CCDC88C: variants seen among roughly 807,000 people sequenced by gnomAD.
CCDC88C encodes protein Daple.
CCDC88C carries 131 observed loss-of-function variants against 198.8 expected under a neutral mutation model. The ratio of observed to expected loss-of-function variants is 0.66; its 90% CI spans 0.57 to 0.76. The LOEUF (loss-of-function observed/expected upper bound fraction) is 0.76. CCDC88C is among the 30% of genes least tolerant of loss of function. The pLI, the probability that CCDC88C is intolerant of heterozygous loss-of-function variation, is 0.00. For missense variants in CCDC88C, 2,553 were observed against 2,631.6 expected (o/e 0.97, Z 0.65); for synonymous variants, 1,166 against 1,114.7 (o/e 1.05, Z -0.92).
rs1567065626 is a variant in CCDC88C, at chr14:91,308,484, T to C, written c.2873A>G (p.Lys958Arg). 4 of 1,613,894 alleles carry C rather than the reference T, an allele frequency of 2.5e-6. No homozygotes were observed. Among genetic ancestry groups the C allele is most frequent in the East Asian group, 2.2e-5 (1 of 44,888 alleles). Residue 958 changes from lysine (K) to arginine (R), a missense_variant, in exon 17 of 30, where the codon AAG becomes AGG. By Grantham distance (26) the Lys-to-Arg change is conservative. Coordinates refer to ENST00000389857, the MANE Select transcript of CCDC88C (RefSeq NM_001080414.4). ...TGATTCATTTCTGCCCTCCAAAATCTTGTATTTTCTGGAAAACACAAAGAT... is the reference window on the plus strand; with the variant it reads ...TGATTCATTTCTGCCCTCCAAAATCCTGTATTTTCTGGAAAACACAAAGAT... ...EDDSGSDTKY[K>R]ILEGRNESAL...
At chr14:91,355,394 T>C (rs1412480326) in intron 4 of CCDC88C, among the ~76,000 whole-genome samples, 4 of 152,036 alleles carry the variant, frequency 2.6e-5, no homozygotes, top group Non-Finnish European at 4.4e-5. Flanking sequence ...AGCCGTCATA[T>C]AAAAGTGAGG....
intron 2 of CCDC88C, among the ~76,000 whole-genome samples, chr14:91,409,628 T>C (rs895054550): frequency 6.6e-6 from 1 of 151,536 alleles, no homozygotes; most frequent in Non-Finnish European, 1.5e-5. Context: ...GCTGGGATTA[T>C]AGGTGCATGC....
intron 22 of CCDC88C, among the ~76,000 whole-genome samples, chr14:91,294,735 ACCT>A (rs1284261383): frequency 1.3e-5 from 2 of 152,074 alleles, no homozygotes; most frequent in Non-Finnish European, 2.9e-5. Flanking sequence ...GCTCACTGCA[ACCT>A]CCGCCTCCTG....
At position 91,325,375 on chromosome 14, in the gene CCDC88C, A is replaced by G. The variant is rs537218198; in HGVS notation, c.1198-452T>C. Among the ~76,000 whole-genome samples, 1 of 151,062 alleles carries G rather than the reference A, an allele frequency of 6.6e-6. No individual in the cohort carries two copies. The highest frequency in any genetic ancestry group is 6.6e-5 in the Admixed American group (1 of 15,248). ...ACACTCATTCCTACAGAAAAGCAAT[A>G]CAGAAGTCAAGTGCTCTGTTTGTGG... is the stretch of plus-strand genomic sequence containing the variant. On this transcript the variant is annotated intron_variant, in intron 11 of 29. Transcript: ENST00000389857. This position sits in a 1 kb window ranked among gnomAD's most constrained non-coding sequence, Gnocchi z 4.1.
chr14:91,310,469 G>T (rs1335313108), intron 15 of CCDC88C, among the ~76,000 whole-genome samples: 1 of 152,162 alleles, frequency 6.6e-6, no homozygotes. Flanking sequence ...CTGAAGTGCA[G>T]TGGTGTGATC....
chr14:91,387,607 G>A (rs992880447), intron 3 of CCDC88C, among the ~76,000 whole-genome samples: 15 of 152,194 alleles, frequency 9.9e-5, no homozygotes, highest in African/African-American at 3.6e-4. Context: ...GGCACTAGGA[G>A]GCAGACTAGA....
Position 91,306,988 on chromosome 14 carries a change from G to GTC in CCDC88C, c.3195+48_3195+49dup, listed in dbSNP as rs200376745. 11,622 of 1,482,052 alleles carry GTC rather than the reference G, an allele frequency of 7.8e-3. 54 individuals carry two copies. The highest frequency in any genetic ancestry group is 0.011 in the Middle Eastern group (53 of 4,680). 91.8% of individuals were successfully genotyped at this position (1,482,052 alleles called of 1,614,324 possible). On this transcript the variant is annotated intron_variant, in intron 18 of 29. Transcript: ENST00000389857. ...CATCAATGGGACTACTGATAAGGCA[G>GTC]TCTCTCTCTCTCTGTCCCCGATGGA...
At chr14:91,293,560 CTGCCA>C in intron 23 of CCDC88C, among the ~76,000 whole-genome samples, 2 of 146,718 alleles carry the variant, frequency 1.4e-5, no homozygotes, top group South Asian at 2.2e-4. Context: ...GTCCCCTCGC[CTGCCA>C]CGGCCCACCT....
intron 3 of CCDC88C, chr14:91,408,189 T>C (rs945159696): frequency 1.2e-5 from 2 of 165,728 alleles, no homozygotes; most frequent in Admixed American, 5.9e-5. Context: ...CCAGTGCTCC[T>C]GCTTGCAGCT....
chr14:91,376,447 T>C (rs546160371), intron 3 of CCDC88C, among the ~76,000 whole-genome samples: 45 of 152,188 alleles, frequency 3.0e-4, no homozygotes, highest in African/African-American at 3.9e-4. Context: ...TGGAAACAGA[T>C]AGGACCCCTG....
In CCDC88C at chr14:91,273,754, G is replaced by A. The variant is rs2140904930; in HGVS notation, c.5059-101C>T. On this transcript the variant is annotated intron_variant, in intron 29 of 29. Coordinates refer to ENST00000389857, the MANE Select transcript of CCDC88C (RefSeq NM_001080414.4). This position sits in a 1 kb window ranked among gnomAD's most constrained non-coding sequence, Gnocchi z 5.6. ...CGCCCCCGAGCAGCCCACGTGGCTG[G>A]GACCGCAGTTCCTGCCTGCCTTCTC... The A allele has an allele frequency of 1.9e-6, 2 of 1,032,808 alleles. No individual in the cohort carries two copies. Among genetic ancestry groups the A allele is most frequent in the East Asian group, 2.9e-5 (1 of 34,068 alleles). 64.0% of individuals were successfully genotyped at this position (1,032,808 alleles called of 1,614,324 possible).
chr14:91,275,768 A>C (rs959273433), intron 29 of CCDC88C, among the ~76,000 whole-genome samples: 1 of 150,410 alleles, frequency 6.6e-6, no homozygotes, highest in East Asian at 2.0e-4. Flanking sequence ...CAGCCTCCCA[A>C]AGTGCTGGAA....
chr14:91,392,153 C>T (rs1036585012), intron 3 of CCDC88C, among the ~76,000 whole-genome samples: 6 of 152,126 alleles, frequency 3.9e-5, no homozygotes, highest in South Asian at 2.1e-4. Flanking sequence ...CCTGTTCCCA[C>T]GAACACGGCC....
rs1884795934 is a variant in CCDC88C at position 91,381,601 on chromosome 14, G to C, written c.271-21890C>G. ...TAATCCTAGCACTTTGGGAGGCCAAGTTGGGTGGATCAATTGAAGTCAGGA... is the reference window on the plus strand; with the variant it reads ...TAATCCTAGCACTTTGGGAGGCCAACTTGGGTGGATCAATTGAAGTCAGGA... On this transcript the variant is annotated intron_variant, in intron 3 of 29. Transcript: ENST00000389857. This position sits in a 1 kb window ranked among gnomAD's most constrained non-coding sequence, Gnocchi z 4.2. Among the ~76,000 whole-genome samples the C allele has an allele frequency of 6.6e-6, 1 of 152,224 alleles. No homozygotes were observed. The highest frequency in any genetic ancestry group is 2.1e-4 in the South Asian group (1 of 4,834).
intron 3 of CCDC88C, among the ~76,000 whole-genome samples, chr14:91,401,172 G>A (rs1886146019): frequency 7.1e-6 from 1 of 141,654 alleles, no homozygotes; most frequent in African/African-American, 2.5e-5. Context: ...ATACCTAGGT[G>A]TTGAGATAAC....
intron 15 of CCDC88C, 139 bp downstream of exon 15, chr14:91,312,941 C>A: frequency 3.1e-6 from 2 of 648,660 alleles, no homozygotes; most frequent in South Asian, 4.2e-5. Context: ...GTTCTTAGAC[C>A]TTTAGGTATT....
At chr14:91,389,752 C>T (rs1392014477) in intron 3 of CCDC88C, among the ~76,000 whole-genome samples, 2 of 145,200 alleles carry the variant, frequency 1.4e-5, no homozygotes, top group East Asian at 2.0e-4. Context: ...AGAAAAAGAA[C>T]GAAAGAAAGA....
In CCDC88C at chr14:91,355,406, C is replaced by T. The variant is rs572544576; in HGVS notation, c.340+4236G>A. Among the ~76,000 whole-genome samples the T allele has an allele frequency of 1.9e-3, 289 of 152,192 alleles. 3 individuals carry two copies. Among genetic ancestry groups the T allele is most frequent in the African/African-American group, 6.6e-3 (276 of 41,508 alleles). The stretch of plus-strand genomic sequence containing the variant: ...AAGAGCCGTCATATAAAAGTGAGGG[C>T]GGGGTTCAAGCAGGGTCCAGCCAGA... On this transcript the variant is annotated intron_variant, in intron 4 of 29. Transcript: ENST00000389857.
chr14:91,350,030 GACT>G (rs138606373), intron 4 of CCDC88C, among the ~76,000 whole-genome samples: 1,540 of 152,278 alleles, frequency 0.01, 26 homozygotes, highest in African/African-American at 0.035. Context: ...GCCCTCCACA[GACT>G]ACCAGTTAAT....
Sources: gnomAD v4.1 joint callset for allele counts (sites outside exome capture counted in the v4.1 genomes callset) on GRCh38, gnomAD v4.1.1 for gene constraint, Gnocchi (gnomAD v3.1) non-coding constraint, MANE v1.5 for transcripts, NCBI Gene and HGNC (gene_info 2026-07-23, HGNC 2026-07-21) for gene names.